SUGCT: variants seen among roughly 807,000 people sequenced by gnomAD.
SUGCT encodes succinyl-CoA:glutarate-CoA transferase.
A neutral mutation model predicts 55.0 loss-of-function variants in SUGCT; 41 were observed. The observed-to-expected ratio is 0.74, with a 90% CI of 0.58 to 0.97. The LOEUF is 0.97. SUGCT is among the 50% of genes least tolerant of loss of function. The pLI is 0.00. For missense variants in SUGCT, 568 were observed against 547.8 expected, an observed-to-expected ratio of 1.04 and a Z score of -0.37; for synonymous variants, 187 against 200.4, an observed-to-expected ratio of 0.93 and a Z score of 0.56.
At chr7:40,166,088 C>T (rs535521236) in intron 1 of SUGCT, among the ~76,000 whole-genome samples, 136 of 152,324 alleles carry the variant, frequency 8.9e-4, no homozygotes, top group African/African-American at 3.2e-3. Flanking sequence ...TGCCTCTGCA[C>T]TCCAGCCTGG....
intron 12 of SUGCT, among the ~76,000 whole-genome samples, chr7:40,682,740 A>G (rs911585439): frequency 2.6e-5 from 4 of 152,034 alleles, no homozygotes; most frequent in African/African-American, 9.7e-5. Context: ...CCCCAAAAAA[A>G]TCCACCTACT....
chr7:40,270,250 A>G (rs1471495257), intron 7 of SUGCT, among the ~76,000 whole-genome samples: 2 of 151,960 alleles, frequency 1.3e-5, no homozygotes, highest in South Asian at 2.1e-4. Flanking sequence ...GTGTCCTTTG[A>G]AACACATATT....
the SUGCT span, among the ~76,000 whole-genome samples, chr7:41,011,999 C>A: frequency 2.0e-5 from 3 of 152,184 alleles, no homozygotes; most frequent in African/African-American, 7.2e-5. Context: ...ACTTCATATT[C>A]CACACTTGCA....
rs149629730 is a variant in SUGCT, at chr7:40,500,605, A to T, written c.1089+4219A>T. On this transcript the variant is annotated intron_variant, in intron 12 of 13. Coordinates refer to ENST00000335693, the MANE Select transcript of SUGCT (RefSeq NM_001193313.2). The stretch of plus-strand genomic sequence containing the variant: ...ATCTTTTGTATGGGATGAATATGTC[A>T]TAGAAACAGAGTGAAGTCTTGAAAT... Among the ~76,000 whole-genome samples the T allele has an allele frequency of 4.9e-3, 741 of 152,318 alleles. 2 individuals are homozygous for T. The highest frequency in any genetic ancestry group is 0.014 in the African/African-American group (593 of 41,574).
intron 12 of SUGCT, among the ~76,000 whole-genome samples, chr7:40,552,615 C>A (rs924518256): frequency 3.1e-4 from 47 of 152,298 alleles, no homozygotes; most frequent in Non-Finnish European, 4.4e-4. Context: ...AAGTAGGATA[C>A]ATAAATGATA....
chr7:40,638,680 G>A (rs1169412639), intron 12 of SUGCT, among the ~76,000 whole-genome samples: 1 of 152,098 alleles, frequency 6.6e-6, no homozygotes, highest in East Asian at 1.9e-4. Context: ...GTGCTATAGG[G>A]GCCAGTAAGG....
chr7:40,313,447 C>T (rs1208145061), intron 8 of SUGCT, among the ~76,000 whole-genome samples: 1 of 152,148 alleles, frequency 6.6e-6, no homozygotes, highest in Non-Finnish European at 1.5e-5. Context: ...TCTCTCCCTT[C>T]TCCTGCCTTA....
chr7:40,868,419 T>C, the SUGCT span, among the ~76,000 whole-genome samples: 1 of 152,190 alleles, frequency 6.6e-6, no homozygotes, highest in Non-Finnish European at 1.5e-5. Flanking sequence ...ATGCGGTGTT[T>C]GGTTTTCTGT....
intron 8 of SUGCT, among the ~76,000 whole-genome samples, chr7:40,303,650 A>T (rs1040632832): frequency 6.6e-6 from 1 of 151,966 alleles, no homozygotes; most frequent in Non-Finnish European, 1.5e-5. Context: ...CACCTGGCCC[A>T]TTTCTTCTCT....
the SUGCT span, among the ~76,000 whole-genome samples, chr7:40,907,338 G>A: frequency 5.9e-5 from 9 of 152,176 alleles, no homozygotes; most frequent in East Asian, 1.5e-3. Context: ...TTCTATAAGG[G>A]GTGGTGTGTA....
the SUGCT span, among the ~76,000 whole-genome samples, chr7:40,967,672 G>C: frequency 6.6e-6 from 1 of 151,590 alleles, no homozygotes; most frequent in Non-Finnish European, 1.5e-5. Context: ...CCAGGCTGGA[G>C]TGCAGTGGTG....
chr7:40,544,243 C>T (rs772896185), intron 12 of SUGCT, among the ~76,000 whole-genome samples: 3 of 151,144 alleles, frequency 2.0e-5, no homozygotes, highest in Non-Finnish European at 4.4e-5. Context: ...TTCCTTTTTC[C>T]TCCATAACCC....
chr7:40,284,667 C>T (rs949652926), intron 8 of SUGCT, among the ~76,000 whole-genome samples: 4 of 150,658 alleles, frequency 2.7e-5, no homozygotes, highest in African/African-American at 9.8e-5. Context: ...TTAGTCATCT[C>T]ACAGTGTAGT....
At chr7:40,815,676 A>T (rs1791634658) in intron 13 of SUGCT, among the ~76,000 whole-genome samples, 1 of 152,146 alleles carries the variant, frequency 6.6e-6, no homozygotes, top group Admixed American at 6.5e-5. Flanking sequence ...GGGGTAGTTC[A>T]GGCTGCTGAA....
intron 13 of SUGCT, among the ~76,000 whole-genome samples, chr7:40,838,905 G>T (rs1371549921): frequency 3.4e-5 from 5 of 148,998 alleles, no homozygotes; most frequent in Non-Finnish European, 7.4e-5. Context: ...AGTTTTTTAT[G>T]AAGTTGAAGA....
chr7:40,904,079 A>G, the SUGCT span, among the ~76,000 whole-genome samples: 2 of 152,228 alleles, frequency 1.3e-5, no homozygotes, highest in African/African-American at 2.4e-5. Context: ...GCCAGCAATC[A>G]TTACGACTTT....
At position 40,234,849 on chromosome 7, in the gene SUGCT, C is replaced by T. The variant is rs373313283; in HGVS notation, c.485-2786C>T. Among the ~76,000 whole-genome samples, 107 of 151,516 alleles carry T rather than the reference C, an allele frequency of 7.1e-4. 2 individuals are homozygous for T. In the South Asian group the frequency reaches 0.02, roughly 28 times the overall value. On this transcript the variant is annotated intron_variant, in intron 6 of 13. Transcript: ENST00000335693. ...GCTGGAACACAGTCAGTCGAGGTTG[C>T]GGTGAGCCCCGACGGTGCCACTGCG...
intron 12 of SUGCT, among the ~76,000 whole-genome samples, chr7:40,743,535 A>G (rs1268336017): frequency 1.3e-5 from 2 of 152,236 alleles, no homozygotes; most frequent in East Asian, 3.8e-4. Context: ...TTAATTGGAA[A>G]GTTTCCCTTA....
intron 3 of SUGCT, among the ~76,000 whole-genome samples, chr7:40,186,539 A>G (rs1302916173): frequency 1.3e-5 from 2 of 152,154 alleles, no homozygotes; most frequent in Non-Finnish European, 2.9e-5. Flanking sequence ...GATTACCAGC[A>G]TGAGCCACCG....
Sources: gnomAD v4.1 joint callset for allele counts (sites outside exome capture counted in the v4.1 genomes callset) on GRCh38, gnomAD v4.1.1 for gene constraint, MANE v1.5 for transcripts, NCBI Gene and HGNC (gene_info 2026-07-23, HGNC 2026-07-21) for gene names.